The following BCAS1 variants were observed in gnomAD, a reference collection of about 807,000 sequenced individuals.
BCAS1 encodes breast carcinoma-amplified sequence 1.
In BCAS1, 46 loss-of-function variants were observed where a neutral mutation model predicts 65.4. The observed-to-expected ratio is 0.70, with a 90% confidence interval of 0.55 to 0.90. The LOEUF is 0.90. BCAS1 is among the 40% of genes least tolerant of loss of function. BCAS1 has a pLI of 0.00. For synonymous variants in BCAS1, 298 were observed against 293.5 expected, an observed-to-expected ratio of 1.02 and a Z score of -0.16; for missense variants, 793 against 771.2, an observed-to-expected ratio of 1.03 and a Z score of -0.33.
intron 4 of BCAS1, among the ~76,000 whole-genome samples, 168 bp from the exon 5 acceptor site, chr20:53,996,218 T>TC (rs1045509618): frequency 4.0e-4 from 61 of 152,102 alleles, no homozygotes; most frequent in African/African-American, 1.5e-3. Context: ...CTTCCTTCCC[T>TC]CCCCCTCTTT....
At position 53,985,355 on chromosome 20, in the gene BCAS1, C is replaced by T. The variant is rs1201622099; in HGVS notation, c.1207G>A (p.Ala403Thr). Residue 403 changes from alanine to threonine, a missense_variant, in exon 8 of 13, where the codon GCG becomes ACG. Ala to Thr is a moderately conservative substitution (Grantham distance 58). Coordinates refer to ENST00000688948, the MANE Select transcript of BCAS1 (RefSeq NM_001366298.2). ...HTQSVTTPEP[A>T]KEGTKEKSGP... ...GATTTCTCCTTGGTGCCTTCCTTCG[C>T]AGGTTCAGGGGTTGTCACGGACTGT... 2.5e-6 allele frequency: 4 copies of T among 1,614,102 alleles called. No homozygotes were observed. The highest frequency in any genetic ancestry group is 3.4e-6 in the Non-Finnish European group (4 of 1,179,972).
chr20:53,957,664 T>C (rs746153015), intron 10 of BCAS1, among the ~76,000 whole-genome samples, 167 bp from the exon 11 acceptor site: 2 of 152,220 alleles, frequency 1.3e-5, no homozygotes, highest in Non-Finnish European at 2.9e-5. Context: ...GAGATTTCCA[T>C]GCAATTTCTA....
At chr20:54,028,189 C>T (rs1192648868) in intron 4 of BCAS1, 1 of 606,364 alleles carries the variant, frequency 1.6e-6, no homozygotes, top group Non-Finnish European at 2.9e-6. Flanking sequence ...GATGCCACAG[C>T]TGTTATTGTT....
At chr20:54,043,304 T>C (rs2092034365) in intron 3 of BCAS1, among the ~76,000 whole-genome samples, 1 of 147,620 alleles carries the variant, frequency 6.8e-6, no homozygotes, top group Non-Finnish European at 1.5e-5. Context: ...AACTTGATGA[T>C]GATGATGATG....
At chr20:54,050,759 A>G (rs1212119001) in intron 3 of BCAS1, among the ~76,000 whole-genome samples, 1 of 152,022 alleles carries the variant, frequency 6.6e-6, no homozygotes, top group African/African-American at 2.4e-5. Context: ...GCTCTGCTTG[A>G]GTGAGAAGAT....
At chr20:53,965,818 C>A (rs1482502573) in intron 10 of BCAS1, among the ~76,000 whole-genome samples, 1 of 151,734 alleles carries the variant, frequency 6.6e-6, no homozygotes, top group Admixed American at 6.6e-5. Flanking sequence ...CAAAGAAAAC[C>A]TCATATCATT....
intron 3 of BCAS1, among the ~76,000 whole-genome samples, chr20:54,033,534 A>C (rs1482514667): frequency 6.6e-6 from 1 of 151,360 alleles, no homozygotes; most frequent in African/African-American, 2.4e-5. Flanking sequence ...TATGCACATA[A>C]ACTAGAAAAT....
intron 9 of BCAS1, among the ~76,000 whole-genome samples, chr20:53,972,148 C>A (rs1168844381): frequency 6.6e-6 from 1 of 152,122 alleles, no homozygotes; most frequent in African/African-American, 2.4e-5. Flanking sequence ...ATAAACTCAA[C>A]CACATTTTAG....
At position 54,028,705 on chromosome 20, in the gene BCAS1, C is replaced by T; in HGVS notation, c.410G>A (p.Ser137Asn). The change falls in exon 4 of 13, where the codon AGC (serine) becomes AAC (asparagine). Residue 137 changes from serine to asparagine, a missense_variant. By Grantham distance (46) the Ser-to-Asn change is conservative (BLOSUM62 1). Coordinates refer to ENST00000688948, the MANE Select transcript of BCAS1 (RefSeq NM_001366298.2). ...KAPANKDPSE[S>N]WTLPVAAGPG... ...TCCAGCTGCCACCGGAAGTGTCCAG[C>T]TCTCACTTGGGTCTTTGTTCGCTGG... 1 of 1,614,198 alleles carries T rather than the reference C, an allele frequency of 6.2e-7. No individual in the cohort carries two copies. Among genetic ancestry groups the T allele is most frequent in the Non-Finnish European group, 8.5e-7 (1 of 1,180,028 alleles).
chr20:53,985,236 T>G, intron 8 of BCAS1, 51 bp downstream of exon 8: 2 of 1,544,470 alleles, frequency 1.3e-6, no homozygotes, highest in Non-Finnish European at 1.8e-6. Context: ...AAATAAGTTC[T>G]GGAGTCATCC....
chr20:54,013,012 T>C (rs1600866869), intron 4 of BCAS1, among the ~76,000 whole-genome samples: 1 of 152,340 alleles, frequency 6.6e-6, no homozygotes, highest in African/African-American at 2.4e-5. Context: ...TCCTTTTCTC[T>C]GCTGTATATT....
At chr20:53,963,253 G>C (rs143317634) in intron 10 of BCAS1, among the ~76,000 whole-genome samples, 1 of 151,736 alleles carries the variant, frequency 6.6e-6, no homozygotes, top group Non-Finnish European at 1.5e-5. Context: ...AGTCCGAGGC[G>C]GGTGGATCAC....
At chr20:53,989,042 G>T (rs570436508) in intron 7 of BCAS1, among the ~76,000 whole-genome samples, 2 of 152,266 alleles carry the variant, frequency 1.3e-5, no homozygotes, top group South Asian at 2.1e-4. Flanking sequence ...TTGGGAGAAG[G>T]GTTATGCCAA....
intron 10 of BCAS1, among the ~76,000 whole-genome samples, chr20:53,959,411 G>T (rs576658084): frequency 6.6e-6 from 1 of 152,026 alleles, no homozygotes; most frequent in Non-Finnish European, 1.5e-5. Context: ...CTGCCAACAC[G>T]CCCTGCTAAT....
chr20:54,064,831 G>A (rs1445279851), intron 1 of BCAS1, among the ~76,000 whole-genome samples: 1 of 152,208 alleles, frequency 6.6e-6, no homozygotes. Context: ...TTTTCTCTGT[G>A]CTGAGCAGTT....
intron 11 of BCAS1, 32 bp from the exon 12 acceptor site, chr20:53,953,727 G>A (rs770149095): frequency 1.3e-6 from 2 of 1,599,800 alleles, no homozygotes. Context: ...TACATTTTTA[G>A]TGGCTGCAGG....
intron 4 of BCAS1, among the ~76,000 whole-genome samples, chr20:54,024,781 G>C (rs1282015047): frequency 6.6e-6 from 1 of 152,142 alleles, no homozygotes; most frequent in African/African-American, 2.4e-5. Flanking sequence ...AGACCTACTA[G>C]GACAAAGATA....
chr20:53,944,236 T>A lies in BCAS1; in HGVS notation c.*686A>T, dbSNP rs2089234049. On this transcript the variant is annotated 3_prime_UTR_variant, in exon 13 of 13. Transcript: ENST00000688948. The stretch of plus-strand genomic sequence containing the variant: ...GGATTTTCGTCTCCCTTCTTCAAGC[T>A]TAGAGGATAAGCACGCATTTACTAC... 6.6e-6 allele frequency: 1 copy of A among 152,230 alleles called. No individual in the cohort carries two copies. Among genetic ancestry groups the A allele is most frequent in the South Asian group, 2.1e-4 (1 of 4,838 alleles). 9.4% of individuals were successfully genotyped at this position (152,230 alleles called of 1,614,324 possible).
At chr20:54,020,457 C>T (rs568116239) in intron 4 of BCAS1, among the ~76,000 whole-genome samples, 1 of 152,150 alleles carries the variant, frequency 6.6e-6, no homozygotes, top group Non-Finnish European at 1.5e-5. Context: ...TAAGTGAAAT[C>T]GTATACACCA....
Sources: allele counts gnomAD v4.1 joint callset (sites outside exome capture counted in the v4.1 genomes callset), GRCh38; gene constraint gnomAD v4.1.1; transcripts MANE v1.5; gene names NCBI Gene and HGNC (gene_info 2026-07-23, HGNC 2026-07-21).